PLB1: variants seen among roughly 807,000 people sequenced by gnomAD.
PLB1 encodes the protein phospholipase B1, membrane-associated.
In PLB1, 242 loss-of-function variants were observed where a neutral mutation model predicts 227.4. The ratio of observed to expected loss-of-function variants is 1.06; its 90% CI spans 0.96 to 1.18. The LOEUF (loss-of-function observed/expected upper bound fraction) is 1.18, where lower values mean the gene tolerates loss of function less well. PLB1 is among the 50% of genes most tolerant of loss of function. PLB1 has a pLI of 0.00. For synonymous variants in PLB1, 757 were observed against 682.2 expected (o/e 1.11, Z -1.71); for missense variants, 1,858 against 1,816.3 (o/e 1.02, Z -0.42).
At chr2:28,519,870 CAT>C (rs1333991858) in intron 4 of PLB1, 107 bp downstream of exon 4, 14 of 670,422 alleles carry the variant, frequency 2.1e-5, no homozygotes, top group Non-Finnish European at 3.1e-5. Flanking sequence ...GAGAGAACAT[CAT>C]GTGAACTAGA....
intron 17 of PLB1, among the ~76,000 whole-genome samples, chr2:28,556,563 G>A (rs73922157): frequency 0.021 from 3,170 of 152,122 alleles, 102 homozygotes; most frequent in African/African-American, 0.072. Context: ...ATTGCTAGAC[G>A]GCCCTCTCCC....
intron 26 of PLB1, among the ~76,000 whole-genome samples, chr2:28,586,302 A>C (rs1352065990): frequency 1.3e-5 from 2 of 152,190 alleles, no homozygotes; most frequent in African/African-American, 4.8e-5. Flanking sequence ...CACAGGGTGC[A>C]TTCCCTCTGC....
chr2:28,619,663 G>A (rs377149032), intron 46 of PLB1, among the ~76,000 whole-genome samples: 1 of 152,040 alleles, frequency 6.6e-6, no homozygotes, highest in Admixed American at 6.6e-5. Context: ...GAGGGTATGG[G>A]AGTGGGTGGT....
intron 7 of PLB1, 43 bp downstream of exon 7, chr2:28,529,450 C>T: frequency 2.7e-6 from 4 of 1,468,304 alleles, no homozygotes; most frequent in Non-Finnish European, 2.9e-6. Flanking sequence ...TGTGTTCCTA[C>T]TGGTCTTCAA....
At chr2:28,538,565 C>T (rs1672027580) in intron 10 of PLB1, among the ~76,000 whole-genome samples, 184 bp downstream of exon 10, 1 of 152,192 alleles carries the variant, frequency 6.6e-6, no homozygotes, top group Admixed American at 6.5e-5. Flanking sequence ...GAGCACACTC[C>T]ACTCCTGCAA....
At chr2:28,520,102 ATTTTTAG>A (rs1669317363) in intron 4 of PLB1, among the ~76,000 whole-genome samples, 2 of 151,514 alleles carry the variant, frequency 1.3e-5, no homozygotes, top group African/African-American at 2.4e-5. Flanking sequence ...CTAGTTTTGT[ATTTTTAG>A]TAGAGACAGA....
chr2:28,513,884 A>G (rs1036425572), intron 1 of PLB1, among the ~76,000 whole-genome samples: 31 of 152,304 alleles, frequency 2.0e-4, no homozygotes, highest in Admixed American at 2.0e-3. Context: ...CCTCTAAACA[A>G]CATTTAAAAC....
chr2:28,603,296 C>G (rs974651801), intron 39 of PLB1, among the ~76,000 whole-genome samples: 1 of 152,148 alleles, frequency 6.6e-6, no homozygotes. Flanking sequence ...ACTCAGTTAC[C>G]TTTAGGGGAA....
intron 43 of PLB1, among the ~76,000 whole-genome samples, chr2:28,607,760 G>A (rs1179102765): frequency 6.6e-6 from 1 of 152,028 alleles, no homozygotes; most frequent in African/African-American, 2.4e-5. Context: ...CGTGGATAGT[G>A]GGGGCATTTG....
chr2:28,570,679 G>C (rs917735629), intron 20 of PLB1, among the ~76,000 whole-genome samples: 1 of 152,190 alleles, frequency 6.6e-6, no homozygotes, highest in African/African-American at 2.4e-5. Flanking sequence ...CCAGCTGCAT[G>C]GGAGGCTGAG....
At chr2:28,555,392 G>T (rs1997269) in intron 17 of PLB1, among the ~76,000 whole-genome samples, 138,815 of 152,118 alleles carry the variant, frequency 0.91, 63,660 homozygotes, top group East Asian at 0.99. Flanking sequence ...TCCACCCGCC[G>T]TGGCCTCCCA....
At chr2:28,542,317 G>A (rs1220570317) in intron 13 of PLB1, among the ~76,000 whole-genome samples, 1 of 152,146 alleles carries the variant, frequency 6.6e-6, no homozygotes, top group African/African-American at 2.4e-5. Context: ...TTCCTCACAG[G>A]GTTGAACAGC....
At chr2:28,533,503 A>G (rs923329576) in intron 9 of PLB1, among the ~76,000 whole-genome samples, 1 of 152,220 alleles carries the variant, frequency 6.6e-6, no homozygotes, top group African/African-American at 2.4e-5. Flanking sequence ...CTCTGTACTC[A>G]TTAATCCATG....
At chr2:28,632,902 A>G (rs751673103) in intron 55 of PLB1, 42 bp from the exon 56 acceptor site, 13 of 1,475,728 alleles carry the variant, frequency 8.8e-6, no homozygotes, top group Non-Finnish European at 1.2e-5. Context: ...CAGGTAGCAG[A>G]GCCCTTTCCC....
At chr2:28,628,837 C>G (rs949869085) in intron 52 of PLB1, among the ~76,000 whole-genome samples, 1 of 152,188 alleles carries the variant, frequency 6.6e-6, no homozygotes, top group African/African-American at 2.4e-5. Flanking sequence ...ATGAGCTTGC[C>G]TCTGAACCAA....
At chr2:28,593,868 C>G (rs924016403) in intron 33 of PLB1, 114 bp downstream of exon 33, 17 of 934,180 alleles carry the variant, frequency 1.8e-5, no homozygotes, top group Non-Finnish European at 2.9e-5. Flanking sequence ...CTGGAAGGGG[C>G]TTTCAGAAAG....
intron 6 of PLB1, among the ~76,000 whole-genome samples, chr2:28,527,071 G>A (rs908392740): frequency 6.6e-6 from 1 of 152,164 alleles, no homozygotes; most frequent in African/African-American, 2.4e-5. Flanking sequence ...TGTTTGTCTT[G>A]AAGTGGTAGG....
chr2:28,517,867 T>C (rs1325196492), intron 2 of PLB1, among the ~76,000 whole-genome samples: 2 of 147,474 alleles, frequency 1.4e-5, no homozygotes, highest in Admixed American at 1.3e-4. Flanking sequence ...TCTAGAACTT[T>C]CTCTTTTTTT....
Position 28,602,104 on chromosome 2 carries a change from G to A in PLB1, c.2673+140G>A, listed in dbSNP as rs1000425815. ...TGGACTCCTTCCCTTTTCAGAGGTT[G>A]GGGTCTAACCCCAAGGAAACCTTAT... On this transcript the variant is annotated intron_variant, in intron 38 of 57. Coordinates refer to ENST00000327757, the MANE Select transcript of PLB1 (RefSeq NM_153021.5). The A allele has an allele frequency of 9.6e-6, 8 of 830,020 alleles. No individual in the cohort carries two copies. In the Admixed American group the frequency reaches 1.6e-4, roughly 16 times the overall value. The allele number at this position is 830,020 out of a possible 1,614,324, so 51.4% of individuals were successfully genotyped here.
Sources: gnomAD v4.1 joint callset for allele counts (sites outside exome capture counted in the v4.1 genomes callset) on GRCh38, gnomAD v4.1.1 for gene constraint, MANE v1.5 for transcripts, NCBI Gene and HGNC (gene_info 2026-07-23, HGNC 2026-07-21) for gene names.